Variants in RASAL2 observed in about 807,000 individuals in gnomAD.
The protein encoded by RASAL2 is RAS protein activator like 2.
A neutral mutation model predicts 128.9 loss-of-function variants in RASAL2; 58 were observed. The ratio of observed to expected loss-of-function variants is 0.45; its 90% CI spans 0.36 to 0.56. The LOEUF (loss-of-function observed/expected upper bound fraction) is 0.56, where lower values mean the gene tolerates loss of function less well. Ranked by LOEUF, RASAL2 falls within the 20% of genes least tolerant of loss-of-function variation. RASAL2 has a pLI of 0.00. For synonymous variants in RASAL2, 561 were observed against 580.8 expected (o/e 0.97, Z 0.49); for missense variants, 1,360 against 1,601.6 (o/e 0.85, Z 2.57).
chr1:178,407,117 A>G (rs1674049584), intron 4 of RASAL2, among the ~76,000 whole-genome samples: 1 of 152,190 alleles, frequency 6.6e-6, no homozygotes, highest in African/African-American at 2.4e-5. Flanking sequence ...CTTAAATTTG[A>G]AAAACAAAAA....
At chr1:178,436,172 T>C (rs768959180) in intron 5 of RASAL2, among the ~76,000 whole-genome samples, 2 of 152,106 alleles carry the variant, frequency 1.3e-5, no homozygotes, top group African/African-American at 2.4e-5. Flanking sequence ...TCTTCCTGTT[T>C]ACTATAATCT....
chr1:178,466,184 A>G, intron 16 of RASAL2, 62 bp downstream of exon 16: 1 of 1,460,066 alleles, frequency 6.8e-7, no homozygotes, highest in South Asian at 1.4e-5. Flanking sequence ...GAGATGATCC[A>G]CAGAACCCTG....
At chr1:178,362,123 C>T (rs1025695484) in intron 3 of RASAL2, among the ~76,000 whole-genome samples, 2 of 152,144 alleles carry the variant, frequency 1.3e-5, no homozygotes, top group African/African-American at 4.8e-5. Flanking sequence ...TTGGGGACCC[C>T]TGCCCTAAGT....
rs931577648 is a variant in RASAL2, at chr1:178,394,052, A to G, written c.564+3846A>G. On this transcript the variant is annotated intron_variant, in intron 4 of 17. Transcript: ENST00000367649. ...TAATTAATATTTGAAATTCAGAACT[A>G]TGGTGTTTTAGTTATATAGTGTATA... 2.6e-5 allele frequency among the ~76,000 whole-genome samples: 4 copies of G among 152,216 alleles called. No individual in the cohort carries two copies. The East Asian group carries it at 7.7e-4, about 29-fold the overall frequency.
chr1:178,435,337 G>T (rs1208033773), intron 5 of RASAL2, among the ~76,000 whole-genome samples: 1 of 152,060 alleles, frequency 6.6e-6, no homozygotes, highest in Non-Finnish European at 1.5e-5. Flanking sequence ...AGAAAATCCA[G>T]CTGTGTTTTA....
At chr1:178,414,800 T>C (rs1674646703) in intron 4 of RASAL2, among the ~76,000 whole-genome samples, 1 of 152,164 alleles carries the variant, frequency 6.6e-6, no homozygotes, top group Non-Finnish European at 1.5e-5. Flanking sequence ...ATAGCCCTAT[T>C]CATATTGTCT....
At chr1:178,299,693 C>T (rs1667677867) in intron 2 of RASAL2, among the ~76,000 whole-genome samples, 1 of 152,002 alleles carries the variant, frequency 6.6e-6, no homozygotes, top group Non-Finnish European at 1.5e-5. Context: ...AACAGGGTTT[C>T]ACCATGTTGG....
intron 1 of RASAL2, among the ~76,000 whole-genome samples, chr1:178,170,345 A>G (rs1661665304): frequency 6.6e-6 from 1 of 151,856 alleles, no homozygotes; most frequent in South Asian, 2.1e-4. Flanking sequence ...GGAAGTATGT[A>G]AAGATATATT....
At chr1:178,465,306 G>A (rs941671678) in intron 15 of RASAL2, among the ~76,000 whole-genome samples, 2 of 152,026 alleles carry the variant, frequency 1.3e-5, no homozygotes, top group African/African-American at 4.8e-5. Context: ...TTATAGTTGG[G>A]GAAAAAGCAG....
chr1:178,141,177 ACTTTT>A (rs1204693680), intron 1 of RASAL2, among the ~76,000 whole-genome samples: 6 of 126,452 alleles, frequency 4.7e-5, no homozygotes, highest in African/African-American at 1.8e-4. Flanking sequence ...ACTGGAGACC[ACTTTT>A]CTTTTCTTTT....
At chr1:178,453,943 ATATT>A (rs1677577794) in intron 11 of RASAL2, among the ~76,000 whole-genome samples, 1 of 152,082 alleles carries the variant, frequency 6.6e-6, no homozygotes, top group African/African-American at 2.4e-5. Context: ...TGAGCTAAAA[ATATT>A]TATATTTTAT....
chr1:178,462,241 C>A (rs1305179938), intron 14 of RASAL2, among the ~76,000 whole-genome samples: 1 of 152,022 alleles, frequency 6.6e-6, no homozygotes, highest in African/African-American at 2.4e-5. Flanking sequence ...TGAAAAGAAG[C>A]CTTTGGTGCC....
intron 4 of RASAL2, among the ~76,000 whole-genome samples, chr1:178,410,943 A>G (rs1359032941): frequency 6.6e-6 from 1 of 152,222 alleles, no homozygotes; most frequent in Non-Finnish European, 1.5e-5. Flanking sequence ...TAGTACAACC[A>G]CTATGGAAAA....
At chr1:178,400,457 A>G (rs1193068721) in intron 4 of RASAL2, among the ~76,000 whole-genome samples, 1 of 152,060 alleles carries the variant, frequency 6.6e-6, no homozygotes, top group East Asian at 1.9e-4. Flanking sequence ...GGGAGTGTAC[A>G]TTATCCATTA....
At chr1:178,329,882 C>T (rs1669208245) in intron 3 of RASAL2, among the ~76,000 whole-genome samples, 1 of 152,048 alleles carries the variant, frequency 6.6e-6, no homozygotes, top group Non-Finnish European at 1.5e-5. Flanking sequence ...CAAAGGTTAT[C>T]CCCAGAATCT....
intron 1 of RASAL2, among the ~76,000 whole-genome samples, chr1:178,240,399 A>T (rs879056817): frequency 6.6e-6 from 1 of 152,040 alleles, no homozygotes; most frequent in East Asian, 1.9e-4. Context: ...GTTAGTGTTT[A>T]TTGTATTTCT....
In RASAL2 at chr1:178,205,962, C is replaced by T. The variant is rs113680059; in HGVS notation, c.203-77602C>T. The stretch of plus-strand genomic sequence containing the variant: ...CATTATTGACTTCTATGTGACATTA[C>T]GGACCATCCTCTCCTTGAAATTCTT... On this transcript the variant is annotated intron_variant, in intron 1 of 17. Transcript: ENST00000367649. Among the ~76,000 whole-genome samples, 909 of 152,232 alleles carry T rather than the reference C, an allele frequency of 6.0e-3. 4 individuals carry two copies. Among genetic ancestry groups the T allele is most frequent in the African/African-American group, 0.011 (475 of 41,536 alleles).
chr1:178,450,298 T>C (rs1677285880), intron 9 of RASAL2, among the ~76,000 whole-genome samples: 1 of 152,106 alleles, frequency 6.6e-6, no homozygotes, highest in South Asian at 2.1e-4. Flanking sequence ...ATTAACACTG[T>C]TTTACAAACA....
chr1:178,356,745 G>A (rs1020850772), intron 3 of RASAL2, among the ~76,000 whole-genome samples: 8 of 152,120 alleles, frequency 5.3e-5, no homozygotes, highest in African/African-American at 1.9e-4. Context: ...GATCAGGATG[G>A]AGTATTTGGG....
Sources: allele counts gnomAD v4.1 joint callset (sites outside exome capture counted in the v4.1 genomes callset), GRCh38; gene constraint gnomAD v4.1.1; transcripts MANE v1.5; gene names NCBI Gene and HGNC (gene_info 2026-07-23, HGNC 2026-07-21).